RYR3: variants seen among roughly 807,000 people sequenced by gnomAD.
RYR3 encodes ryanodine receptor 3.
Under a neutral mutation model 584.3 loss-of-function variants are expected in RYR3, and 207 were observed. The ratio of observed to expected loss-of-function variants is 0.35; its 90% CI spans 0.32 to 0.40. The LOEUF (loss-of-function observed/expected upper bound fraction) is 0.40, where lower values mean the gene tolerates loss of function less well. Among genes scored for constraint, RYR3 ranks in the 10% least tolerant of loss-of-function variants. The pLI, the probability that RYR3 is intolerant of heterozygous loss-of-function variation, is 1.00. For missense variants in RYR3, 5,616 were observed against 6,089.2 expected, an observed-to-expected ratio of 0.92 and a Z score of 2.59; for synonymous variants, 2,416 against 2,248.5, an observed-to-expected ratio of 1.07 and a Z score of -2.11.
At chr15:33,713,754 A>G (rs1317102703) in intron 43 of RYR3, among the ~76,000 whole-genome samples, 2 of 152,182 alleles carry the variant, frequency 1.3e-5, no homozygotes, top group Non-Finnish European at 2.9e-5. Flanking sequence ...AGGTGCTGGC[A>G]GATTCAGTGT....
chr15:33,589,424 T>C (rs758785893), intron 16 of RYR3, among the ~76,000 whole-genome samples: 11 of 152,206 alleles, frequency 7.2e-5, no homozygotes, highest in Non-Finnish European at 1.2e-4. Flanking sequence ...GTTCACTCTA[T>C]TGATTATTTA....
chr15:33,716,260 T>G (rs911330111), intron 43 of RYR3, among the ~76,000 whole-genome samples: 1 of 152,186 alleles, frequency 6.6e-6, no homozygotes, highest in African/African-American at 2.4e-5. Context: ...AGGTATTTTT[T>G]TATGGCAATG....
intron 2 of RYR3, among the ~76,000 whole-genome samples, 168 bp downstream of exon 2, chr15:33,473,706 G>A (rs944385345): frequency 1.3e-5 from 2 of 152,192 alleles, no homozygotes; most frequent in African/African-American, 2.4e-5. Context: ...ACAAGCCTAG[G>A]AATCGTTGAT....
rs551321023 is a variant in RYR3, at chr15:33,548,719, G to A, written c.815+515G>A. ...TTGTCCCTTGGTGGAAGGAACAGGA[G>A]GCTGAGACTTTCCAGCCACAAGCTT... On this transcript the variant is annotated intron_variant, in intron 9 of 103. Transcript: ENST00000634891. 1.6e-4 allele frequency among the ~76,000 whole-genome samples: 24 copies of A among 152,318 alleles called. No homozygotes were observed. In the South Asian group the frequency reaches 5.0e-3, roughly 32 times the overall value.
At chr15:33,384,419 G>C (rs1011401121) in intron 1 of RYR3, among the ~76,000 whole-genome samples, 4 of 146,328 alleles carry the variant, frequency 2.7e-5, no homozygotes, top group Admixed American at 6.9e-5. Flanking sequence ...TTTTGTACTT[G>C]TTTTTTTGGT....
rs140107349 is a variant in RYR3 at position 33,805,914 on chromosome 15, C to T, written c.10012-1641C>T. Among the ~76,000 whole-genome samples the T allele has an allele frequency of 2.4e-3, 361 of 152,026 alleles. 4 individuals carry two copies. The highest frequency in any genetic ancestry group is 8.1e-3 in the African/African-American group (335 of 41,460). ...TCCTCTTCTTCTCCTCTCCCCCTCCCCTTTCACCCTCCCCTTTTCTCCTCC... is the reference window on the plus strand; with the variant it reads ...TCCTCTTCTTCTCCTCTCCCCCTCCTCTTTCACCCTCCCCTTTTCTCCTCC... On this transcript the variant is annotated intron_variant, in intron 69 of 103. Coordinates refer to ENST00000634891, the MANE Select transcript of RYR3 (RefSeq NM_001036.6).
intron 26 of RYR3, among the ~76,000 whole-genome samples, 153 bp downstream of exon 26, chr15:33,635,972 A>G (rs1463838904): frequency 6.6e-6 from 1 of 152,170 alleles, no homozygotes; most frequent in Non-Finnish European, 1.5e-5. Context: ...TCTCCTAGTG[A>G]CTGTTTCTTT....
rs754630934 is a variant in RYR3 at position 33,550,305 on chromosome 15, C to T, written c.961C>T (p.Arg321Trp). 3.3e-5 allele frequency: 53 copies of T among 1,612,670 alleles called. No homozygotes were observed. Among genetic ancestry groups the T allele is most frequent in the Non-Finnish European group, 4.0e-5 (47 of 1,179,362 alleles). Residue 321 changes from arginine (R) to tryptophan (W), a missense_variant, in exon 10 of 104, where the codon CGG (arginine) becomes TGG (tryptophan). Coordinates refer to ENST00000634891, the MANE Select transcript of RYR3 (RefSeq NM_001036.6). ...SDTKSTAFSF[R>W]ASKELKEKLD... The stretch of plus-strand genomic sequence containing the variant: ...CACCAAGTCCACAGCTTTCTCTTTC[C>T]GGGCATCAAAGGTAAGGTGTGATAA...
intron 1 of RYR3, among the ~76,000 whole-genome samples, chr15:33,465,260 CAT>C (rs1485456676): frequency 6.6e-6 from 1 of 152,116 alleles, no homozygotes; most frequent in Non-Finnish European, 1.5e-5. Flanking sequence ...TATATATACA[CAT>C]ATCTGTATAT....
intron 1 of RYR3, among the ~76,000 whole-genome samples, chr15:33,365,506 T>C (rs1298042096): frequency 6.6e-6 from 1 of 151,996 alleles, no homozygotes; most frequent in African/African-American, 2.4e-5. Flanking sequence ...GATACTAGGA[T>C]AGATCATGAA....
At position 33,464,463 on chromosome 15, in the gene RYR3, G is replaced by GATATAT. The variant is rs569756898; in HGVS notation, c.52-8934_52-8929dup. ...AGAAGAGAGACTGTAGGGAGGTGGA[G>GATATAT]ATATATATATATATATATATATATA... On this transcript the variant is annotated intron_variant, in intron 1 of 103. Transcript: ENST00000634891. Among the ~76,000 whole-genome samples, 250 of 79,250 alleles carry GATATAT rather than the reference G, an allele frequency of 3.2e-3. 3 individuals carry two copies. Among genetic ancestry groups the GATATAT allele is most frequent in the East Asian group, 0.013 (28 of 2,086 alleles). The allele number at this position is 79,250 out of a possible 152,430, so 52.0% of individuals were successfully genotyped here.
chr15:33,749,499 C>G (rs10519868), intron 55 of RYR3, among the ~76,000 whole-genome samples: 14,240 of 152,196 alleles, frequency 0.094, 906 homozygotes, highest in East Asian at 0.26. Flanking sequence ...CACTGTTTTA[C>G]AAGCCTTACA....
intron 8 of RYR3, among the ~76,000 whole-genome samples, chr15:33,544,774 C>T (rs966080280): frequency 3.3e-5 from 5 of 152,080 alleles, no homozygotes; most frequent in Admixed American, 2.0e-4. Flanking sequence ...CAGATGTGAC[C>T]CAGAAGGGTG....
chr15:33,475,731 G>A (rs2049314673), intron 2 of RYR3, among the ~76,000 whole-genome samples: 1 of 152,148 alleles, frequency 6.6e-6, no homozygotes, highest in South Asian at 2.1e-4. Flanking sequence ...TCACTTTTCT[G>A]AGCTGAGTTT....
intron 18 of RYR3, among the ~76,000 whole-genome samples, chr15:33,611,230 C>T (rs1258938960): frequency 1.3e-5 from 2 of 152,070 alleles, no homozygotes; most frequent in African/African-American, 4.8e-5. Context: ...GAACAAGCTA[C>T]AAAAACCTAC....
chr15:33,863,125 T>G (rs980141190), intron 102 of RYR3, among the ~76,000 whole-genome samples: 4 of 152,078 alleles, frequency 2.6e-5, no homozygotes, highest in Non-Finnish European at 5.9e-5. Context: ...GTTACACTGG[T>G]CTCTTTCCTA....
At chr15:33,856,391 C>G (rs1245766509) in intron 98 of RYR3, 1 of 152,216 alleles carries the variant, frequency 6.6e-6, no homozygotes, top group Non-Finnish European at 1.5e-5. Flanking sequence ...AATGCCTAGT[C>G]CTTGAGAGAG....
chr15:33,453,844 A>G (rs532318545), intron 1 of RYR3, among the ~76,000 whole-genome samples: 1 of 152,230 alleles, frequency 6.6e-6, no homozygotes, highest in South Asian at 2.1e-4. Flanking sequence ...ACTGCACACA[A>G]ATGATTAACC....
At chr15:33,473,208 C>A in intron 1 of RYR3, 1 of 695,912 alleles carries the variant, frequency 1.4e-6, no homozygotes, top group Non-Finnish European at 2.6e-6. Context: ...TGACCTCACT[C>A]CAGGATTAAG....
Sources: allele counts gnomAD v4.1 joint callset (sites outside exome capture counted in the v4.1 genomes callset), GRCh38; gene constraint gnomAD v4.1.1; transcripts MANE v1.5; gene names NCBI Gene and HGNC (gene_info 2026-07-23, HGNC 2026-07-21).